GRIP1: variants seen among roughly 807,000 people sequenced by gnomAD.
The protein encoded by GRIP1 is glutamate receptor-interacting protein 1.
A neutral mutation model predicts 129.9 loss-of-function variants in GRIP1; 45 were observed. The ratio of observed to expected loss-of-function variants is 0.35; its 90% CI spans 0.27 to 0.44. The LOEUF is 0.44. GRIP1 is among the 20% of genes least tolerant of loss of function. GRIP1 has a pLI of 1.00. For synonymous variants in GRIP1, 530 were observed against 520.8 expected (o/e 1.02, Z -0.24); for missense variants, 1,196 against 1,396.8 (o/e 0.86, Z 2.29).
intron 1 of GRIP1, among the ~76,000 whole-genome samples, chr12:66,802,570 C>A (rs981168902): frequency 2.6e-5 from 4 of 151,884 alleles, no homozygotes; most frequent in Admixed American, 6.6e-5. Context: ...AAATTCTTAC[C>A]AAAGCTAGTA....
intron 1 of GRIP1, among the ~76,000 whole-genome samples, chr12:66,652,788 C>A (rs149226389): frequency 1.3e-5 from 2 of 152,244 alleles, no homozygotes; most frequent in African/African-American, 4.8e-5. Context: ...TCTGGTCTGG[C>A]CTTTTAGAAT....
At chr12:66,808,821 A>C (rs1423271803), upstream of GRIP1, among the ~76,000 whole-genome samples, 1 of 146,484 alleles carries the variant, frequency 6.8e-6, no homozygotes, top group East Asian at 2.1e-4. Flanking sequence ...CAATTCAATC[A>C]TTCAGTTACC....
Position 66,734,629 on chromosome 12 carries a change from T to TAAGATATTTTAAAATAAAC in GRIP1, c.-420+69405_-420+69423dup, listed in dbSNP as rs550833422. On this transcript the variant is annotated intron_variant, in intron 1 of 4. Transcript: ENST00000538373. ...ATGATTTGTGAGGAACAAGATATTT[T>TAAGATATTTTAAAATAAAC]AAGATATTTTAAAATAAACAAGATA... Among the ~76,000 whole-genome samples the TAAGATATTTTAAAATAAAC allele has an allele frequency of 1.8e-4, 28 of 152,274 alleles. No individual in the cohort carries two copies. In the South Asian group the frequency reaches 5.4e-3, roughly 29 times the overall value.
chr12:66,615,264 A>C (rs2064990177), intron 1 of GRIP1, among the ~76,000 whole-genome samples: 1 of 152,170 alleles, frequency 6.6e-6, no homozygotes, highest in Non-Finnish European at 1.5e-5. Context: ...TAGTAATTTA[A>C]ATAATAAAAT....
chr12:66,716,937 T>C (rs1485178837), intron 1 of GRIP1, among the ~76,000 whole-genome samples: 1 of 152,082 alleles, frequency 6.6e-6, no homozygotes. Flanking sequence ...CCACTCTTCA[T>C]CCTTCTCATA....
chr12:66,858,889 CT>C (rs372297071), intron 1 of GRIP1, among the ~76,000 whole-genome samples: 2 of 151,632 alleles, frequency 1.3e-5, no homozygotes, highest in African/African-American at 4.8e-5. Flanking sequence ...AATTTGGTGA[CT>C]TTTTTGTGGT....
chr12:66,569,648 C>T (rs948048300), intron 2 of GRIP1, among the ~76,000 whole-genome samples: 1 of 152,106 alleles, frequency 6.6e-6, no homozygotes, highest in Non-Finnish European at 1.5e-5. Flanking sequence ...GGAGGTTAGG[C>T]CTCTCCCAGA....
chr12:66,986,854 A>C (rs28654225), intron 1 of GRIP1, among the ~76,000 whole-genome samples: 5 of 97,878 alleles, frequency 5.1e-5, no homozygotes, highest in Admixed American at 3.5e-4. Flanking sequence ...TTTTTAAAAA[A>C]TTTTAAAAAA....
At position 66,349,098 on chromosome 12, in the gene GRIP1, C is replaced by T. The variant is rs1372642392; in HGVS notation, c.3308G>A (p.Ser1103Asn). The T allele has an allele frequency of 1.9e-6, 3 of 1,614,004 alleles. No homozygotes were observed. Among genetic ancestry groups the T allele is most frequent in the East Asian group, 2.2e-5 (1 of 44,898 alleles). The change falls in exon 25 of 25, where the codon AGT becomes AAT. Residue 1103 changes from serine to asparagine, a missense_variant. Physicochemically the swap from Ser to Asn is conservative, Grantham distance 46 (BLOSUM62 1). This residue lies in a region of GRIP1 where 427 missense variants were observed against 463.3 expected (regional missense o/e 0.92). Coordinates refer to ENST00000359742, the MANE Select transcript of GRIP1 (RefSeq NM_001366722.1). ...CTGGAAAAAAGCACTGTTCTGTTCA[C>T]TCCAATCTCCTGGTAGACTCTGTTG... is the stretch of plus-strand genomic sequence containing the variant. ...IDQQSLPGDWSEQNSAFFQQP... is the reference protein window; with the variant it reads ...IDQQSLPGDWNEQNSAFFQQP...
At chr12:66,585,135 G>A in intron 2 of GRIP1, among the ~76,000 whole-genome samples, 1 of 147,790 alleles carries the variant, frequency 6.8e-6, no homozygotes, top group East Asian at 2.0e-4. Context: ...AAGTTTTAGG[G>A]TACATGTGCA....
At chr12:66,679,905 C>A (rs1488399295), upstream of GRIP1, among the ~76,000 whole-genome samples, 1 of 152,150 alleles carries the variant, frequency 6.6e-6, no homozygotes, top group Non-Finnish European at 1.5e-5. Context: ...AGCAAATTAA[C>A]AAACCCTTCA....
intron 1 of GRIP1, among the ~76,000 whole-genome samples, chr12:66,810,513 C>T (rs538355623): frequency 8.5e-5 from 13 of 152,104 alleles, no homozygotes; most frequent in African/African-American, 2.7e-4. Context: ...AGCGAGATCA[C>T]GCCACTGCAC....
intron 2 of GRIP1, among the ~76,000 whole-genome samples, chr12:66,542,692 T>A (rs1233956388): frequency 6.6e-6 from 1 of 152,224 alleles, no homozygotes; most frequent in African/African-American, 2.4e-5. Context: ...GTAAGAAAAC[T>A]GTAAGAATAT....
intron 1 of GRIP1, among the ~76,000 whole-genome samples, chr12:66,787,364 TGAG>T (rs5798838): frequency 0.19 from 28,602 of 152,054 alleles, 3,319 homozygotes; most frequent in East Asian, 0.28. Flanking sequence ...AAATTCTTAC[TGAG>T]GAGGAGAATT....
intron 1 of GRIP1, among the ~76,000 whole-genome samples, chr12:66,616,372 T>C (rs2065039322): frequency 6.6e-6 from 1 of 152,178 alleles, no homozygotes; most frequent in Admixed American, 6.5e-5. Flanking sequence ...AATTATAGGC[T>C]GTTTAAAAAA....
chr12:66,943,126 A>G (rs1168080735), intron 1 of GRIP1, among the ~76,000 whole-genome samples: 2 of 152,228 alleles, frequency 1.3e-5, no homozygotes, highest in Non-Finnish European at 2.9e-5. Context: ...TTGTCTTCTA[A>G]TCTTATCTAG....
In GRIP1 at chr12:66,906,142, T is replaced by C. The variant is rs114649976; in HGVS notation, c.58+162908A>G. ...TAAAATCAAGGTAGGGCTGGTGCAA[T>C]GGCTCATACCTGTAATCCCAGCACT... is the stretch of plus-strand genomic sequence containing the variant. On this transcript the variant is annotated intron_variant, in intron 1 of 1. Coordinates refer to the GRIP1 transcript ENST00000643019. Among the ~76,000 whole-genome samples, 764 of 152,316 alleles carry C rather than the reference T, an allele frequency of 5.0e-3. 6 individuals are homozygous for C. The highest frequency in any genetic ancestry group is 0.018 in the African/African-American group (739 of 41,564).
intron 1 of GRIP1, among the ~76,000 whole-genome samples, chr12:66,838,159 T>G (rs2039650449): frequency 7.0e-6 from 1 of 141,984 alleles, no homozygotes; most frequent in Non-Finnish European, 1.5e-5. Flanking sequence ...CACTCCAGCC[T>G]GGGCAGGTGA....
intron 14 of GRIP1, among the ~76,000 whole-genome samples, chr12:66,422,599 T>C (rs572064423): frequency 6.6e-6 from 1 of 152,314 alleles, no homozygotes; most frequent in South Asian, 2.1e-4. Flanking sequence ...AAAATCCATG[T>C]TCCACTGAAA....
Sources: gnomAD v4.1 joint callset for allele counts (sites outside exome capture counted in the v4.1 genomes callset) on GRCh38, gnomAD v4.1.1 for gene constraint, gnomAD v4.1.1 regional missense constraint, MANE v1.5 for transcripts, NCBI Gene and HGNC (gene_info 2026-07-23, HGNC 2026-07-21) for gene names.